The following CECR2 variants were observed in gnomAD, a reference collection of about 807,000 sequenced individuals.
The protein encoded by CECR2 is CECR2 histone acetyl-lysine reader.
CECR2 carries 30 observed loss-of-function variants against 154.5 expected under a neutral mutation model. The observed-to-expected ratio is 0.19, with a 90% CI of 0.15 to 0.26. CECR2 has a LOEUF of 0.26. CECR2 is among the 10% of genes least tolerant of loss of function. The pLI is 1.00. For synonymous variants in CECR2, 725 were observed against 683.7 expected (o/e 1.06, Z -0.94); for missense variants, 1,743 against 1,829.3 (o/e 0.95, Z 0.86).
chr22:17,382,529 A>G (rs2063210526), intron 1 of CECR2, among the ~76,000 whole-genome samples: 1 of 152,242 alleles, frequency 6.6e-6, no homozygotes, highest in African/African-American at 2.4e-5. Flanking sequence ...AGGGCATATA[A>G]AAGTTATGTT....
At chr22:17,379,352 T>A (rs1158750953) in intron 1 of CECR2, among the ~76,000 whole-genome samples, 1 of 152,106 alleles carries the variant, frequency 6.6e-6, no homozygotes, top group Non-Finnish European at 1.5e-5. Context: ...CTGAGGCTGA[T>A]AAAGAAAGGC....
At chr22:17,550,136 A>C (rs2146149297) in intron 17 of CECR2, 1 of 137,404 alleles carries the variant, frequency 7.3e-6, no homozygotes, top group East Asian at 2.0e-4. Flanking sequence ...TGTAAACTTT[A>C]TTTATTTATT....
At chr22:17,512,729 GAAAGAAAA>G (rs2055981905) in intron 8 of CECR2, among the ~76,000 whole-genome samples, 1 of 141,922 alleles carries the variant, frequency 7.0e-6, no homozygotes, top group African/African-American at 2.9e-5. Flanking sequence ...AAAAAAGAAA[GAAAGAAAA>G]GAAAACCTGA....
chr22:17,536,889 T>G (rs1387713356), intron 9 of CECR2, among the ~76,000 whole-genome samples: 1 of 152,022 alleles, frequency 6.6e-6, no homozygotes, highest in African/African-American at 2.4e-5. Context: ...TCAGTGTGAG[T>G]GAGGAAACAG....
chr22:17,363,048 C>CTT (rs60742428), intron 1 of CECR2, among the ~76,000 whole-genome samples: 207 of 144,722 alleles, frequency 1.4e-3, no homozygotes, highest in East Asian at 5.3e-3. Flanking sequence ...TTTCCTTCTT[C>CTT]TTTTTTTTTT....
intron 2 of CECR2, among the ~76,000 whole-genome samples, chr22:17,488,377 C>T (rs1053511335): frequency 1.3e-5 from 2 of 152,180 alleles, no homozygotes; most frequent in Admixed American, 6.5e-5. Context: ...CAAATGAGGG[C>T]ACCACATAGT....
chr22:17,505,257 G>A lies in CECR2; in HGVS notation c.870+241G>A, dbSNP rs868148612. ...GTGTCTACCACCCACCAATAGTGAC[G>A]GTGGCTTTTCACAGCCTGGAACCAA... On this transcript the variant is annotated intron_variant, in intron 7 of 18. Transcript: ENST00000262608. Among the ~76,000 whole-genome samples the A allele has an allele frequency of 3.9e-5, 6 of 151,918 alleles. No homozygotes were observed. In the South Asian group the frequency reaches 1.0e-3, roughly 26 times the overall value.
chr22:17,477,123 C>G (rs1355663059), intron 1 of CECR2: 2 of 725,854 alleles, frequency 2.8e-6, no homozygotes, highest in Admixed American at 1.9e-5. Flanking sequence ...TACAGTGGTT[C>G]TTTAAAGCTG....
chr22:17,469,795 C>G (rs1370461321), intron 1 of CECR2, among the ~76,000 whole-genome samples: 1 of 152,184 alleles, frequency 6.6e-6, no homozygotes, highest in African/African-American at 2.4e-5. Context: ...TGCTGTTGCC[C>G]TCTTCTCTTG....
chr22:17,480,505 A>C (rs1435288111), intron 2 of CECR2, among the ~76,000 whole-genome samples: 1 of 151,926 alleles, frequency 6.6e-6, no homozygotes, highest in Non-Finnish European at 1.5e-5. Context: ...ATGAATTTTC[A>C]CAAACTGAAC....
upstream of CECR2, among the ~76,000 whole-genome samples, chr22:17,367,840 G>C (rs1164652752): frequency 6.6e-6 from 1 of 152,224 alleles, no homozygotes; most frequent in Admixed American, 6.5e-5. Flanking sequence ...TACTCACGGG[G>C]TAGCTGTGCT....
At chr22:17,383,189 C>T (rs985607778) in intron 1 of CECR2, among the ~76,000 whole-genome samples, 3 of 152,100 alleles carry the variant, frequency 2.0e-5, no homozygotes, top group African/African-American at 4.8e-5. Flanking sequence ...CATGTCACTG[C>T]ACTCTAGCCT....
intron 2 of CECR2, among the ~76,000 whole-genome samples, chr22:17,493,454 A>G (rs1569118623): frequency 6.6e-6 from 1 of 152,098 alleles, no homozygotes; most frequent in African/African-American, 2.4e-5. Context: ...TTTATTTCAA[A>G]TCACCCTTAG....
rs1474336341 is a variant in CECR2 at position 17,419,541 on chromosome 22, GAGGAAGAGGAGGAGGAGGAGGAGGAAGAA to G, written c.126+49634_126+49662del. On this transcript the variant is annotated intron_variant, in intron 1 of 18. Transcript: ENST00000262608. ...AGAAGAAGAAGAAGAGGAAGAGGAA[GAGGAAGAGGAGGAGGAGGAGGAGGAAGAA>G]AAGAAGAAGAAGAAGAAACAGTTTC... 1.4e-3 allele frequency: 292 copies of G among 203,502 alleles called. 1 individual carries two copies. In the African/African-American group the frequency reaches 0.015, roughly 10 times the overall value. The allele number at this position is 203,502 out of a possible 1,614,324, so 12.6% of individuals were successfully genotyped here.
chr22:17,412,855 G>T (rs567698408), intron 1 of CECR2, among the ~76,000 whole-genome samples: 1 of 152,300 alleles, frequency 6.6e-6, no homozygotes, highest in African/African-American at 2.4e-5. Context: ...TCTCGTGGCA[G>T]TGCGGGTGCG....
At chr22:17,550,888 G>A (rs969403573) in intron 17 of CECR2, among the ~76,000 whole-genome samples, 2 of 152,030 alleles carry the variant, frequency 1.3e-5, no homozygotes, top group African/African-American at 4.8e-5. Context: ...CTTGCAGTGA[G>A]CCAAGATCAT....
In CECR2 at chr22:17,552,103, G is replaced by T. The variant is rs755151173; in HGVS notation, c.4350G>T (p.Glu1450Asp). The change falls in exon 18 of 19, where the codon GAG becomes GAT. Residue 1450 changes from glutamate to aspartate, a missense_variant. Coordinates refer to ENST00000262608, the MANE Select transcript of CECR2 (RefSeq NM_001290047.2). ...CCACAGCAGCAACATCACAGGAGGAGGTGCCGCCTCATAAGCCTCCAACAC... is the reference window on the plus strand; with the variant it reads ...CCACAGCAGCAACATCACAGGAGGATGTGCCGCCTCATAAGCCTCCAACAC... The part of the protein sequence containing the change: ...KTPTAATSQE[E>D]VPPHKPPTLP... 8.1e-6 allele frequency: 13 copies of T among 1,613,844 alleles called. No individual in the cohort carries two copies. Among genetic ancestry groups the T allele is most frequent in the Non-Finnish European group, 1.1e-5 (13 of 1,179,890 alleles).
chr22:17,412,936 G>A (rs184172225), intron 1 of CECR2, among the ~76,000 whole-genome samples: 100 of 152,288 alleles, frequency 6.6e-4, no homozygotes, highest in African/African-American at 2.3e-3. Flanking sequence ...CGGCTAGGCT[G>A]CAGTCGGACT....
chr22:17,481,642 T>C (rs1458372712), intron 2 of CECR2, among the ~76,000 whole-genome samples: 1 of 152,224 alleles, frequency 6.6e-6, no homozygotes, highest in Non-Finnish European at 1.5e-5. Flanking sequence ...TCACATACTG[T>C]CATTTTGTTC....
Sources: gnomAD v4.1 joint callset for allele counts (sites outside exome capture counted in the v4.1 genomes callset) on GRCh38, gnomAD v4.1.1 for gene constraint, MANE v1.5 for transcripts, NCBI Gene and HGNC (gene_info 2026-07-23, HGNC 2026-07-21) for gene names.